Variants in NMBR observed in about 807,000 individuals in gnomAD.
NMBR encodes the protein neuromedin-B receptor.
NMBR carries 16 observed loss-of-function variants against 20.5 expected under a neutral mutation model. The ratio of observed to expected loss-of-function variants is 0.78; its 90% CI spans 0.53 to 1.19. The LOEUF is 1.19. Ranked by LOEUF, NMBR falls within the 50% of genes most tolerant of loss-of-function variation. The pLI is 0.00. For synonymous variants in NMBR, 212 were observed against 196.6 expected, an observed-to-expected ratio of 1.08 and a Z score of -0.65; for missense variants, 582 against 499.1, an observed-to-expected ratio of 1.17 and a Z score of -1.58.
At chr6:142,116,403 C>T (rs1034528828) in intron 1 of NMBR, among the ~76,000 whole-genome samples, 1 of 151,896 alleles carries the variant, frequency 6.6e-6, no homozygotes, top group African/African-American at 2.4e-5. Flanking sequence ...TGTTTGGACA[C>T]AAATAGAGGC....
At chr6:142,125,440 T>C (rs112263584) in intron 1 of NMBR, among the ~76,000 whole-genome samples, 72 of 151,658 alleles carry the variant, frequency 4.7e-4, no homozygotes, top group African/African-American at 1.3e-3. Context: ...CATATACATG[T>C]GCATGCATAT....
chr6:142,090,085 T>C (rs1275721480), intron 1 of NMBR, among the ~76,000 whole-genome samples: 1 of 152,178 alleles, frequency 6.6e-6, no homozygotes, highest in East Asian at 1.9e-4. Context: ...AATAAACATC[T>C]GATATGCTGT....
chr6:142,099,457 C>A (rs1777518754), intron 1 of NMBR, among the ~76,000 whole-genome samples: 1 of 152,022 alleles, frequency 6.6e-6, no homozygotes, highest in Non-Finnish European at 1.5e-5. Flanking sequence ...AGGGGAAGTG[C>A]CACACACTTT....
At chr6:142,106,004 A>G (rs1300077872) in intron 1 of NMBR, among the ~76,000 whole-genome samples, 2 of 152,216 alleles carry the variant, frequency 1.3e-5, no homozygotes, top group Non-Finnish European at 2.9e-5. Context: ...ATCTAACATA[A>G]TATGACTTTA....
chr6:142,141,558 G>A (rs1778361263), intron 1 of NMBR, among the ~76,000 whole-genome samples: 2 of 151,138 alleles, frequency 1.3e-5, no homozygotes, highest in Non-Finnish European at 2.9e-5. Flanking sequence ...GGGCTGGAGT[G>A]CAGTGTTGCG....
rs766123699 is a variant in NMBR, at chr6:142,075,639, T to C, written c.*9A>G. ...AGTTCTCTCCAGGTAGTGAGTTGAA[T>C]GGCCAAAATCACAGTGCCATTTCCT... On this transcript the variant is annotated 3_prime_UTR_variant, in exon 4 of 4. Coordinates refer to ENST00000258042, the MANE Select transcript of NMBR (RefSeq NM_002511.4). 1 of 1,595,000 alleles carries C rather than the reference T, an allele frequency of 6.3e-7. No individual in the cohort carries two copies. Among genetic ancestry groups the C allele is most frequent in the African/African-American group, 1.3e-5 (1 of 74,444 alleles).
At chr6:142,132,818 G>T (rs748817001) in intron 1 of NMBR, among the ~76,000 whole-genome samples, 1 of 152,178 alleles carries the variant, frequency 6.6e-6, no homozygotes, top group Non-Finnish European at 1.5e-5. Flanking sequence ...AGCGTTGAGT[G>T]CTCAGAACCT....
intron 1 of NMBR, among the ~76,000 whole-genome samples, chr6:142,122,946 A>G (rs1450345721): frequency 1.3e-5 from 2 of 151,920 alleles, no homozygotes; most frequent in South Asian, 2.1e-4. Flanking sequence ...TGCTAACACA[A>G]TATCTGTTCT....
intron 1 of NMBR, among the ~76,000 whole-genome samples, chr6:142,099,562 C>T (rs1367960657): frequency 6.6e-6 from 1 of 152,090 alleles, no homozygotes; most frequent in Non-Finnish European, 1.5e-5. Flanking sequence ...CCAGGCCCCT[C>T]CCCCGACATG....
intron 1 of NMBR, among the ~76,000 whole-genome samples, chr6:142,089,884 G>T (rs917072805): frequency 6.6e-6 from 1 of 152,082 alleles, no homozygotes; most frequent in Non-Finnish European, 1.5e-5. Flanking sequence ...TAAATCCCAG[G>T]TGTGGATTTG....
intron 1 of NMBR, among the ~76,000 whole-genome samples, chr6:142,112,338 T>C (rs575591456): frequency 2.0e-5 from 3 of 152,340 alleles, no homozygotes; most frequent in South Asian, 4.1e-4. Flanking sequence ...TTTTCTCCTA[T>C]TGCAGCATAT....
intron 2 of NMBR, 64 bp downstream of exon 2, chr6:142,088,173 A>G: frequency 6.6e-7 from 1 of 1,521,232 alleles, no homozygotes; most frequent in East Asian, 2.3e-5. Context: ...ACTCCGGGTG[A>G]GTCTTCTCTA....
intron 2 of NMBR, among the ~76,000 whole-genome samples, chr6:142,079,104 G>GAGAT (rs1554257066): frequency 1.7e-5 from 1 of 58,570 alleles, no homozygotes; most frequent in Non-Finnish European, 3.6e-5. Context: ...AAGAGAGAGA[G>GAGAT]AGAAAGAAAG....
chr6:142,109,200 G>A (rs1422042761), intron 1 of NMBR, among the ~76,000 whole-genome samples: 2 of 152,086 alleles, frequency 1.3e-5, no homozygotes, highest in Admixed American at 6.5e-5. Context: ...CTACCATTCC[G>A]GGCTCTGGAG....
intron 1 of NMBR, among the ~76,000 whole-genome samples, chr6:142,140,328 G>T (rs1335517889): frequency 6.6e-6 from 1 of 151,974 alleles, no homozygotes; most frequent in Admixed American, 6.6e-5. Flanking sequence ...TATATGTAAA[G>T]TATATTATCA....
At chr6:142,100,222 A>T (rs1055433478) in intron 1 of NMBR, among the ~76,000 whole-genome samples, 5 of 152,214 alleles carry the variant, frequency 3.3e-5, no homozygotes, top group African/African-American at 4.8e-5. Flanking sequence ...TTTACCCAAA[A>T]TATTTGAAAA....
chr6:142,140,519 A>G (rs1159613806), intron 1 of NMBR, among the ~76,000 whole-genome samples: 1 of 152,134 alleles, frequency 6.6e-6, no homozygotes, highest in Non-Finnish European at 1.5e-5. Flanking sequence ...AGGTGAAACA[A>G]ATAGAAACAA....
intron 1 of NMBR, among the ~76,000 whole-genome samples, chr6:142,140,363 A>G (rs1310545770): frequency 6.6e-6 from 1 of 152,102 alleles, no homozygotes; most frequent in Non-Finnish European, 1.5e-5. Flanking sequence ...TGATAACTTT[A>G]AGTTGTATAT....
chr6:142,117,273 T>C (rs1168896667), intron 1 of NMBR, among the ~76,000 whole-genome samples: 4 of 151,996 alleles, frequency 2.6e-5, no homozygotes, highest in Non-Finnish European at 5.9e-5. Context: ...AGTCAAATAA[T>C]TGTAGTTAGC....
Sources: allele counts gnomAD v4.1 joint callset (sites outside exome capture counted in the v4.1 genomes callset), GRCh38; gene constraint gnomAD v4.1.1; transcripts MANE v1.5; gene names NCBI Gene and HGNC (gene_info 2026-07-23, HGNC 2026-07-21).